Variants in COL22A1 observed in about 807,000 individuals in gnomAD.
COL22A1 encodes the protein collagen type XXII alpha 1 chain.
A neutral mutation model predicts 248.9 loss-of-function variants in COL22A1; 221 were observed. The ratio of observed to expected loss-of-function variants is 0.89; its 90% CI spans 0.80 to 0.99. The LOEUF (loss-of-function observed/expected upper bound fraction) is 0.99, where lower values mean the gene tolerates loss of function less well. Ranked by LOEUF, COL22A1 falls within the 50% of genes least tolerant of loss-of-function variation. The pLI is 0.00. For synonymous variants in COL22A1, 891 were observed against 793.4 expected (o/e 1.12, Z -2.07); for missense variants, 2,240 against 2,179.0 (o/e 1.03, Z -0.56).
intron 16 of COL22A1, among the ~76,000 whole-genome samples, chr8:138,766,665 G>A (rs982377987): frequency 1.2e-4 from 18 of 152,268 alleles, no homozygotes; most frequent in Admixed American, 1.0e-3. Context: ...CAGAGAGACC[G>A]AGAAAGACAG....
At chr8:138,786,165 A>T (rs1815498286) in intron 12 of COL22A1, among the ~76,000 whole-genome samples, 1 of 152,114 alleles carries the variant, frequency 6.6e-6, no homozygotes, top group Non-Finnish European at 1.5e-5. Context: ...GACATGGAAA[A>T]CTAGGCGTGT....
intron 10 of COL22A1, among the ~76,000 whole-genome samples, chr8:138,805,941 T>TGA (rs1242521863): frequency 7.0e-6 from 1 of 142,846 alleles, no homozygotes; most frequent in South Asian, 2.3e-4. Flanking sequence ...ACTGTGTGTG[T>TGA]GATGGTATAT....
At chr8:138,693,890 C>T (rs951574907) in intron 34 of COL22A1, among the ~76,000 whole-genome samples, 191 bp from the exon 35 acceptor site, 7 of 152,038 alleles carry the variant, frequency 4.6e-5, no homozygotes, top group African/African-American at 1.2e-4. Context: ...GGTCATATCG[C>T]GATTTCATTC....
chr8:138,600,459 G>A (rs977796497), intron 60 of COL22A1, among the ~76,000 whole-genome samples: 4 of 152,138 alleles, frequency 2.6e-5, no homozygotes, highest in South Asian at 4.1e-4. Flanking sequence ...AATAGATAAC[G>A]TCTGACATGC....
chr8:138,776,523 T>C (rs1316380167), intron 15 of COL22A1, among the ~76,000 whole-genome samples: 4 of 152,108 alleles, frequency 2.6e-5, no homozygotes, highest in African/African-American at 9.7e-5. Flanking sequence ...CACCTAGACC[T>C]TGTGCTGTGG....
chr8:138,753,171 T>C (rs764287715), intron 21 of COL22A1, among the ~76,000 whole-genome samples: 32 of 152,208 alleles, frequency 2.1e-4, no homozygotes, highest in Non-Finnish European at 4.6e-4. Flanking sequence ...TTTCTGTAGC[T>C]CATGCTGCAG....
At chr8:138,794,124 C>A (rs376727014) in intron 12 of COL22A1, among the ~76,000 whole-genome samples, 4 of 152,182 alleles carry the variant, frequency 2.6e-5, no homozygotes, top group African/African-American at 9.6e-5. Flanking sequence ...CGGTGGCTCA[C>A]GCCTGTAATC....
chr8:138,715,414 C>T (rs1189108217), intron 30 of COL22A1, among the ~76,000 whole-genome samples: 1 of 151,556 alleles, frequency 6.6e-6, no homozygotes, highest in Non-Finnish European at 1.5e-5. Context: ...ACTAAAAACA[C>T]AAAAATTAGC....
intron 13 of COL22A1, among the ~76,000 whole-genome samples, chr8:138,779,936 G>GT (rs1333318641): frequency 3.3e-5 from 5 of 152,208 alleles, no homozygotes; most frequent in South Asian, 2.1e-4. Flanking sequence ...CGGTTGTTTT[G>GT]TTTTTTGTAG....
At chr8:138,621,263 C>G (rs546113565) in intron 52 of COL22A1, among the ~76,000 whole-genome samples, 1 of 152,160 alleles carries the variant, frequency 6.6e-6, no homozygotes, top group Non-Finnish European at 1.5e-5. Context: ...GGGTACTTGA[C>G]TTTGAGGTGT....
chr8:138,790,821 A>G (rs1487930866), intron 12 of COL22A1, among the ~76,000 whole-genome samples: 1 of 152,116 alleles, frequency 6.6e-6, no homozygotes, highest in African/African-American at 2.4e-5. Context: ...TATCAGTTAT[A>G]CAGTGGTCAG....
intron 16 of COL22A1, among the ~76,000 whole-genome samples, chr8:138,771,532 A>G (rs947448755): frequency 2.6e-5 from 4 of 152,178 alleles, no homozygotes; most frequent in Non-Finnish European, 1.5e-5. Context: ...GTGTTCCTTG[A>G]CTGAACAAAA....
At chr8:138,793,895 A>C (rs1420408002) in intron 12 of COL22A1, among the ~76,000 whole-genome samples, 5 of 152,162 alleles carry the variant, frequency 3.3e-5, no homozygotes, top group Non-Finnish European at 5.9e-5. Flanking sequence ...AGTTGAGAGG[A>C]AAGGCTGGTC....
intron 30 of COL22A1, among the ~76,000 whole-genome samples, chr8:138,707,756 A>G (rs1828594928): frequency 6.6e-6 from 1 of 152,220 alleles, no homozygotes; most frequent in African/African-American, 2.4e-5. Context: ...CACCACTCCT[A>G]TTCAACATAG....
intron 50 of COL22A1, 24 bp downstream of exon 50, chr8:138,630,671 G>T (rs1287822714): frequency 1.2e-6 from 2 of 1,608,782 alleles, no homozygotes; most frequent in Non-Finnish European, 1.7e-6. Flanking sequence ...ATTAAAAACA[G>T]ATCCCATTCC....
intron 16 of COL22A1, among the ~76,000 whole-genome samples, chr8:138,763,394 A>G (rs530506704): frequency 7.5e-4 from 113 of 151,512 alleles, no homozygotes; most frequent in African/African-American, 2.6e-3. Context: ...CTCCAAAAAA[A>G]AAGAAAAAGA....
intron 7 of COL22A1, among the ~76,000 whole-genome samples, chr8:138,815,649 GT>G: frequency 6.6e-6 from 1 of 152,260 alleles, no homozygotes; most frequent in Middle Eastern, 3.4e-3. Flanking sequence ...TCTTAGCTCA[GT>G]TTTTTAAACA....
chr8:138,820,855 G>A (rs192067399), intron 7 of COL22A1, among the ~76,000 whole-genome samples: 87 of 152,352 alleles, frequency 5.7e-4, no homozygotes, highest in African/African-American at 2.0e-3. Context: ...GGTGTCCCCA[G>A]TGCAGAGCAC....
At chr8:138,697,640 G>A (rs1020186164) in intron 32 of COL22A1, among the ~76,000 whole-genome samples, 5 of 152,152 alleles carry the variant, frequency 3.3e-5, no homozygotes, top group African/African-American at 1.2e-4. Flanking sequence ...GACAAAATGA[G>A]TCGGGCTTCT....
Sources: gnomAD v4.1 joint callset for allele counts (sites outside exome capture counted in the v4.1 genomes callset) on GRCh38, gnomAD v4.1.1 for gene constraint, MANE v1.5 for transcripts, NCBI Gene and HGNC (gene_info 2026-07-23, HGNC 2026-07-21) for gene names.